The following GRAMD1B variants were observed in gnomAD, a reference collection of about 807,000 sequenced individuals.
GRAMD1B encodes protein Aster-B.
Under a neutral mutation model 99.7 loss-of-function variants are expected in GRAMD1B, and 37 were observed. The observed-to-expected ratio is 0.37, with a 90% confidence interval of 0.29 to 0.49. The LOEUF (loss-of-function observed/expected upper bound fraction) is 0.49. Ranked by LOEUF, GRAMD1B falls within the 20% of genes least tolerant of loss-of-function variation. GRAMD1B has a pLI of 0.98. For synonymous variants in GRAMD1B, 427 were observed against 387.6 expected (o/e 1.10, Z -1.19); for missense variants, 888 against 1,009.2 (o/e 0.88, Z 1.63).
At chr11:123,379,362 C>G (rs1274772538) in intron 1 of GRAMD1B, among the ~76,000 whole-genome samples, 2 of 152,010 alleles carry the variant, frequency 1.3e-5, no homozygotes, top group African/African-American at 4.8e-5. Flanking sequence ...GATTGTAGGG[C>G]AAGCTCAGGC....
At chr11:123,539,949 G>A (rs1379178591) in intron 2 of GRAMD1B, among the ~76,000 whole-genome samples, 3 of 152,100 alleles carry the variant, frequency 2.0e-5, no homozygotes, top group East Asian at 1.9e-4. Context: ...GGAATTAGTT[G>A]TTTTCTATTC....
chr11:123,596,429 C>G (rs765767221), intron 7 of GRAMD1B, among the ~76,000 whole-genome samples: 1 of 152,100 alleles, frequency 6.6e-6, no homozygotes, highest in African/African-American at 2.4e-5. Flanking sequence ...GTTAAGAAGT[C>G]GTCATTATGT....
chr11:123,533,110 C>T (rs1421727895), intron 2 of GRAMD1B, among the ~76,000 whole-genome samples: 3 of 152,184 alleles, frequency 2.0e-5, no homozygotes, highest in African/African-American at 7.2e-5. Flanking sequence ...GCTGGGATTA[C>T]AGGCATGCAC....
At chr11:123,617,276 CG>C (rs1489041658) in intron 17 of GRAMD1B, among the ~76,000 whole-genome samples, 3 of 151,760 alleles carry the variant, frequency 2.0e-5, no homozygotes, top group African/African-American at 7.3e-5. Context: ...TTCCCCTTCC[CG>C]GGCTCAAGCA....
At chr11:123,619,617 C>G in intron 19 of GRAMD1B, 2 of 788,172 alleles carry the variant, frequency 2.5e-6, no homozygotes, top group Admixed American at 4.5e-5. Flanking sequence ...AAATGTTTAC[C>G]GCCCCCTCCT....
chr11:123,366,884 T>C (rs1378278454), intron 1 of GRAMD1B, among the ~76,000 whole-genome samples: 1 of 152,194 alleles, frequency 6.6e-6, no homozygotes, highest in Non-Finnish European at 1.5e-5. Flanking sequence ...TATCACTTTA[T>C]ATTATTACAA....
chr11:123,499,384 G>GTTATC (rs1939622808), intron 2 of GRAMD1B, among the ~76,000 whole-genome samples: 1 of 152,302 alleles, frequency 6.6e-6, no homozygotes, highest in East Asian at 1.9e-4. Flanking sequence ...TAACCAGTCT[G>GTTATC]TGGTATTCTG....
At chr11:123,609,700 A>G (rs1953271445) in intron 12 of GRAMD1B, 95 bp from the exon 13 acceptor site, 2 of 750,508 alleles carry the variant, frequency 2.7e-6, no homozygotes, top group Non-Finnish European at 4.5e-6. Flanking sequence ...AGGCAGTAGT[A>G]AGCACAGTCC....
At chr11:123,475,262 T>G (rs1314047350) in intron 1 of GRAMD1B, among the ~76,000 whole-genome samples, 3 of 152,180 alleles carry the variant, frequency 2.0e-5, no homozygotes. Context: ...ATTTCTCCCT[T>G]GTGGAGCGTG....
chr11:123,529,741 C>G (rs1591835048), intron 2 of GRAMD1B, among the ~76,000 whole-genome samples: 1 of 152,260 alleles, frequency 6.6e-6, no homozygotes, highest in South Asian at 2.1e-4. Context: ...AAAGATAGTC[C>G]TAATTCCTGT....
chr11:123,412,188 TC>T (rs1335491922), intron 1 of GRAMD1B, among the ~76,000 whole-genome samples: 4 of 152,366 alleles, frequency 2.6e-5, no homozygotes, highest in Non-Finnish European at 5.9e-5. Flanking sequence ...TAGTTGCATT[TC>T]TTTTTTAGTG....
chr11:123,583,410 C>T (rs371813846), intron 3 of GRAMD1B, among the ~76,000 whole-genome samples: 1 of 130,932 alleles, frequency 7.6e-6, no homozygotes, highest in East Asian at 2.3e-4. Context: ...GTGTGTGTGT[C>T]TGTGTATATG....
rs1281447444 is a variant in GRAMD1B at position 123,430,637 on chromosome 11, C to T, written c.-156C>T. The T allele has an allele frequency of 2.0e-6, 1 of 506,822 alleles. No individual in the cohort carries two copies. Among genetic ancestry groups the T allele is most frequent in the African/African-American group, 2.0e-5 (1 of 49,152 alleles). 31.4% of individuals were successfully genotyped at this position (506,822 alleles called of 1,614,324 possible). A position where few individuals can be genotyped will look rare whatever the true frequency, so the allele number is the denominator to read the frequency against. On this transcript the variant is annotated 5_prime_UTR_variant, in exon 1 of 20. Coordinates refer to ENST00000635736, the MANE Select transcript of GRAMD1B (RefSeq NM_001387025.1). ...CGGCGCGCTACGCCGCGTCCCCTCG[C>T]GTCCCTTCCTCGCTGCGCTCCGGGA... is the stretch of plus-strand genomic sequence containing the variant.
chr11:123,470,415 G>A (rs1211379305), intron 1 of GRAMD1B, among the ~76,000 whole-genome samples: 1 of 151,762 alleles, frequency 6.6e-6, no homozygotes, highest in East Asian at 1.9e-4. Context: ...AAACACCAAG[G>A]CTCAAGTGAT....
At chr11:123,370,002 C>T (rs148304291) in intron 1 of GRAMD1B, among the ~76,000 whole-genome samples, 269 of 151,954 alleles carry the variant, frequency 1.8e-3, no homozygotes, top group Non-Finnish European at 2.1e-3. Flanking sequence ...TGTGAAGGAC[C>T]CCTGGAAGTC....
chr11:123,448,034 A>T (rs991926545), intron 1 of GRAMD1B, among the ~76,000 whole-genome samples: 4 of 104,468 alleles, frequency 3.8e-5, no homozygotes, highest in Non-Finnish European at 5.9e-5. Context: ...ATATGTATTT[A>T]AAAAAAAAGA....
In GRAMD1B at chr11:123,461,516, C is replaced by A. The variant is rs537648522; in HGVS notation, c.375-19300C>A. ...TGGCTCTAGCTCTGGGAAGTCCTGGCCTATGCCTTGGCACACTGCTCTGTC... is the reference window on the plus strand; with the variant it reads ...TGGCTCTAGCTCTGGGAAGTCCTGGACTATGCCTTGGCACACTGCTCTGTC... On this transcript the variant is annotated intron_variant, in intron 1 of 19. Coordinates refer to ENST00000635736, the MANE Select transcript of GRAMD1B (RefSeq NM_001387025.1). Among the ~76,000 whole-genome samples, 8 of 152,316 alleles carry A rather than the reference C, an allele frequency of 5.3e-5. No individual in the cohort carries two copies. The East Asian group carries it at 1.5e-3, about 29-fold the overall frequency.
intron 1 of GRAMD1B, among the ~76,000 whole-genome samples, chr11:123,417,818 T>C (rs1948283850): frequency 6.6e-6 from 1 of 152,176 alleles, no homozygotes; most frequent in Admixed American, 6.5e-5. Context: ...GTGCCTATAA[T>C]TCCAGCTACT....
intron 2 of GRAMD1B, among the ~76,000 whole-genome samples, chr11:123,566,805 A>G (rs1947430598): frequency 6.6e-6 from 1 of 151,854 alleles, no homozygotes; most frequent in African/African-American, 2.4e-5. Context: ...CCCACTTTTT[A>G]AAATTCATGG....
Sources: allele counts gnomAD v4.1 joint callset (sites outside exome capture counted in the v4.1 genomes callset), GRCh38; gene constraint gnomAD v4.1.1; transcripts MANE v1.5; gene names NCBI Gene and HGNC (gene_info 2026-07-23, HGNC 2026-07-21).